The following GRIK1 variants were observed in gnomAD, a reference collection of about 807,000 sequenced individuals.
GRIK1 encodes the protein glutamate receptor ionotropic, kainate 1.
In GRIK1, 69 loss-of-function variants were observed where a neutral mutation model predicts 105.7. That is an observed-to-expected ratio of 0.65 (90% CI 0.54 to 0.80). The LOEUF (loss-of-function observed/expected upper bound fraction) is 0.80. GRIK1 is among the 30% of genes least tolerant of loss of function. The pLI is 0.00. For synonymous variants in GRIK1, 438 were observed against 431.3 expected (o/e 1.02, Z -0.19); for missense variants, 1,109 against 1,167.3 (o/e 0.95, Z 0.73).
Position 29,589,152 on chromosome 21 carries a change from A to G in GRIK1, c.1366-110T>C, listed in dbSNP as rs1455587960. ...TTGATAATGATTTTGAAGAGCTGAG[A>G]GTACTGAAGTCATTCACTCATCTGC... On this transcript the variant is annotated intron_variant, in intron 10 of 17. Coordinates refer to ENST00000327783, the MANE Select transcript of GRIK1 (RefSeq NM_001330994.2). 3 of 658,032 alleles carry G rather than the reference A, an allele frequency of 4.6e-6. No individual in the cohort carries two copies. In the African/African-American group the frequency reaches 5.4e-5, roughly 12 times the overall value. The allele number at this position is 658,032 out of a possible 1,614,324, so 40.8% of individuals were successfully genotyped here. A position where few individuals can be genotyped will look rare whatever the true frequency, so the allele number is the denominator to read the frequency against.
chr21:29,877,626 G>A (rs1168326199), intron 1 of GRIK1, among the ~76,000 whole-genome samples: 1 of 152,168 alleles, frequency 6.6e-6, no homozygotes, highest in African/African-American at 2.4e-5. Context: ...ACACTTGGTA[G>A]CAGATATAAC....
intron 1 of GRIK1, among the ~76,000 whole-genome samples, chr21:29,927,879 C>G (rs2071436163): frequency 6.6e-6 from 1 of 151,704 alleles, no homozygotes; most frequent in South Asian, 2.1e-4. Flanking sequence ...TCAAAAAAAA[C>G]AAAAACAAAC....
chr21:29,555,071 T>C lies in GRIK1; in HGVS notation c.2588A>G (p.Lys863Arg), dbSNP rs774651167. The change falls in exon 16 of 18, where the codon AAG becomes AGG. Residue 863 changes from lysine to arginine, a missense_variant. By Grantham distance (26) the Lys-to-Arg change is conservative. Transcript: ENST00000327783. ...AIGEFIYKSR[K>R]NNDIEQKGKS... ...ACTCACCTGTTCAATATCATTATTC[T>C]TCCGTGATTTGTATATGAATTCTCC... 4.3e-6 allele frequency: 7 copies of C among 1,610,718 alleles called. No homozygotes were observed. In the Admixed American group the frequency reaches 1.2e-4, roughly 27 times the overall value.
At chr21:29,650,107 T>G (rs1245279292) in intron 6 of GRIK1, among the ~76,000 whole-genome samples, 2 of 152,210 alleles carry the variant, frequency 1.3e-5, no homozygotes, top group African/African-American at 4.8e-5. Flanking sequence ...TCAGTTCACT[T>G]TGAATATTTT....
chr21:29,632,546 A>G (rs2062303326), intron 7 of GRIK1, among the ~76,000 whole-genome samples: 1 of 152,050 alleles, frequency 6.6e-6, no homozygotes, highest in South Asian at 2.1e-4. Context: ...CGGTCTCACA[A>G]AACATGTATA....
rs532246661 is a variant in GRIK1 at position 29,723,838 on chromosome 21, T to C, written c.119-29775A>G. 1.4e-3 allele frequency among the ~76,000 whole-genome samples: 206 copies of C among 152,276 alleles called. 1 individual carries two copies. The highest frequency in any genetic ancestry group is 3.4e-3 in the Middle Eastern group (1 of 294). ...TTACTCTATCTATACTTTCTAAAGC[T>C]AACACAAGCAGCTCTAAGCAAAGAA... is the stretch of plus-strand genomic sequence containing the variant. On this transcript the variant is annotated intron_variant, in intron 1 of 17. Coordinates refer to ENST00000327783, the MANE Select transcript of GRIK1 (RefSeq NM_001330994.2).
intron 1 of GRIK1, among the ~76,000 whole-genome samples, chr21:29,813,061 T>C (rs2067055735): frequency 6.6e-6 from 1 of 152,074 alleles, no homozygotes; most frequent in East Asian, 1.9e-4. Context: ...GCAACAACCT[T>C]GGGTATAGGA....
intron 1 of GRIK1, among the ~76,000 whole-genome samples, chr21:29,724,639 G>A (rs961050895): frequency 6.6e-6 from 1 of 152,190 alleles, no homozygotes; most frequent in Non-Finnish European, 1.5e-5. Context: ...TTTGGAGGCT[G>A]CATTTGCACA....
At chr21:29,883,309 C>T (rs989653415) in intron 1 of GRIK1, among the ~76,000 whole-genome samples, 7 of 151,950 alleles carry the variant, frequency 4.6e-5, no homozygotes, top group Non-Finnish European at 8.8e-5. Flanking sequence ...ATAATAAGTG[C>T]AATAGAGGCT....
intron 13 of GRIK1, among the ~76,000 whole-genome samples, chr21:29,579,373 T>A (rs2090965545): frequency 6.6e-6 from 1 of 152,142 alleles, no homozygotes; most frequent in Admixed American, 6.5e-5. Context: ...GAGGATGAAA[T>A]TATACAAACA....
intron 4 of GRIK1, among the ~76,000 whole-genome samples, chr21:29,665,222 A>G (rs1228476514): frequency 1.3e-5 from 2 of 152,184 alleles, no homozygotes; most frequent in Non-Finnish European, 2.9e-5. Flanking sequence ...ATATGGGCAA[A>G]TTGCACACAC....
intron 4 of GRIK1, among the ~76,000 whole-genome samples, chr21:29,672,576 A>C (rs1355602280): frequency 6.6e-6 from 1 of 152,186 alleles, no homozygotes; most frequent in Non-Finnish European, 1.5e-5. Flanking sequence ...CATGTTTGAC[A>C]AAAAGGTCTT....
intron 1 of GRIK1, among the ~76,000 whole-genome samples, chr21:29,867,026 T>A (rs1033731656): frequency 1.3e-5 from 2 of 152,200 alleles, no homozygotes; most frequent in Non-Finnish European, 2.9e-5. Flanking sequence ...GTCCTTTATG[T>A]CATCATTAAT....
intron 6 of GRIK1, among the ~76,000 whole-genome samples, chr21:29,649,170 A>G (rs1403028138): frequency 1.3e-5 from 2 of 152,014 alleles, no homozygotes; most frequent in Non-Finnish European, 2.9e-5. Context: ...TGCAAAGCAG[A>G]CTCTTTGGAT....
intron 16 of GRIK1, among the ~76,000 whole-genome samples, chr21:29,551,077 G>A (rs1011087045): frequency 2.0e-5 from 3 of 152,122 alleles, no homozygotes; most frequent in Non-Finnish European, 4.4e-5. Flanking sequence ...GATGATCTGT[G>A]GAACACTGGT....
chr21:29,911,182 A>G (rs1440527413), intron 1 of GRIK1, among the ~76,000 whole-genome samples: 1 of 152,048 alleles, frequency 6.6e-6, no homozygotes, highest in Non-Finnish European at 1.5e-5. Flanking sequence ...CTAAATATAG[A>G]GAGATTGAGT....
intron 1 of GRIK1, among the ~76,000 whole-genome samples, chr21:29,733,676 G>A (rs541077975): frequency 2.7e-4 from 41 of 152,128 alleles, no homozygotes; most frequent in Middle Eastern, 3.4e-3. Context: ...TTTCTTAAGT[G>A]ATGAAGAAAA....
At chr21:29,807,495 T>C (rs922108484) in intron 1 of GRIK1, among the ~76,000 whole-genome samples, 14 of 152,138 alleles carry the variant, frequency 9.2e-5, no homozygotes, top group African/African-American at 2.9e-4. Flanking sequence ...TGTATCTCTG[T>C]CTTGCTCATG....
At chr21:29,783,718 T>C (rs191923184) in intron 1 of GRIK1, among the ~76,000 whole-genome samples, 1 of 152,340 alleles carries the variant, frequency 6.6e-6, no homozygotes, top group Non-Finnish European at 1.5e-5. Flanking sequence ...ATTTTATGTA[T>C]ACTTAGGTCC....
Sources: allele counts gnomAD v4.1 joint callset (sites outside exome capture counted in the v4.1 genomes callset), GRCh38; gene constraint gnomAD v4.1.1; transcripts MANE v1.5; gene names NCBI Gene and HGNC (gene_info 2026-07-23, HGNC 2026-07-21).